KIF21A: variants seen among roughly 807,000 people sequenced by gnomAD.
KIF21A encodes the protein kinesin family member 21A, also known as kinesin-like protein KIF21A.
Under a neutral mutation model 202.9 loss-of-function variants are expected in KIF21A, and 114 were observed. The ratio of observed to expected loss-of-function variants is 0.56; its 90% CI spans 0.48 to 0.66. The LOEUF (loss-of-function observed/expected upper bound fraction) is 0.66. KIF21A is among the 30% of genes least tolerant of loss of function. KIF21A has a pLI of 0.00. For synonymous variants in KIF21A, 667 were observed against 670.8 expected (o/e 0.99, Z 0.09); for missense variants, 1,677 against 1,994.9 (o/e 0.84, Z 3.04).
intron 1 of KIF21A, among the ~76,000 whole-genome samples, chr12:39,395,928 C>G (rs939137362): frequency 6.6e-6 from 1 of 151,566 alleles, no homozygotes; most frequent in African/African-American, 2.4e-5. Context: ...CCTTCCCTCT[C>G]TAAACACCCC....
chr12:39,325,630 C>T (rs943576301), intron 26 of KIF21A, among the ~76,000 whole-genome samples: 3 of 151,494 alleles, frequency 2.0e-5, no homozygotes, highest in African/African-American at 4.9e-5. Flanking sequence ...CATGAGCCAC[C>T]GTATCTGGCC....
At chr12:39,312,482 GATA>G (rs914761937) in intron 31 of KIF21A, 1 of 151,850 alleles carries the variant, frequency 6.6e-6, no homozygotes, top group African/African-American at 2.4e-5. Flanking sequence ...GACTATAGTT[GATA>G]ATAATTGTAC....
intron 1 of KIF21A, among the ~76,000 whole-genome samples, chr12:39,402,668 G>C (rs994859257): frequency 6.6e-6 from 1 of 152,118 alleles, no homozygotes; most frequent in African/African-American, 2.4e-5. Flanking sequence ...GCAGCCTGTA[G>C]GCTGCATGCG....
intron 1 of KIF21A, among the ~76,000 whole-genome samples, chr12:39,416,715 G>GTATATATGTACATATATATGTGTGTA (rs1566267686): frequency 1.8e-3 from 135 of 74,244 alleles, no homozygotes; most frequent in Admixed American, 3.4e-3. Flanking sequence ...ATATATGTGT[G>GTATATATGTACATATATATGTGTGTA]TATATATGTA....
intron 6 of KIF21A, among the ~76,000 whole-genome samples, chr12:39,363,948 G>T (rs1949427207): frequency 6.6e-6 from 1 of 152,226 alleles, no homozygotes; most frequent in Non-Finnish European, 1.5e-5. Context: ...AACCTGGGAG[G>T]TGGAGGTTGC....
rs554058980 is a variant in KIF21A, at chr12:39,294,864, G to C, written c.4932-347C>G. Among the ~76,000 whole-genome samples the C allele has an allele frequency of 1.5e-4, 23 of 152,264 alleles. 1 individual carries two copies. The highest frequency in any genetic ancestry group is 5.3e-4 in the African/African-American group (22 of 41,550). Reference sequence around the variant, plus strand: ...CATGTAAGTGACACAGCTGAGATGTGAATCCAGGCAGTCTGGCTCCGAGCC... The same window carrying C: ...CATGTAAGTGACACAGCTGAGATGTCAATCCAGGCAGTCTGGCTCCGAGCC... On this transcript the variant is annotated intron_variant, in intron 37 of 37. Coordinates refer to ENST00000361418, the MANE Select transcript of KIF21A (RefSeq NM_001173464.2).
intron 34 of KIF21A, among the ~76,000 whole-genome samples, chr12:39,307,201 T>C (rs544893150): frequency 6.6e-6 from 1 of 152,182 alleles, no homozygotes; most frequent in Non-Finnish European, 1.5e-5. Flanking sequence ...ATATAAGATG[T>C]TTAAACGATG....
At chr12:39,412,088 G>A (rs1014453378) in intron 1 of KIF21A, among the ~76,000 whole-genome samples, 26 of 151,926 alleles carry the variant, frequency 1.7e-4, no homozygotes, top group African/African-American at 6.3e-4. Flanking sequence ...TGATCCACCC[G>A]CCTCAGCCTC....
intron 1 of KIF21A, among the ~76,000 whole-genome samples, chr12:39,400,073 CA>C (rs1952050090): frequency 6.6e-6 from 1 of 152,174 alleles, no homozygotes; most frequent in East Asian, 1.9e-4. Context: ...AATACAGAAA[CA>C]AAGCCAAGAG....
rs1191946302 is a variant in KIF21A at position 39,305,281 on chromosome 12, G to A, written c.4443-343C>T. On this transcript the variant is annotated intron_variant, in intron 34 of 37. Coordinates refer to ENST00000361418, the MANE Select transcript of KIF21A (RefSeq NM_001173464.2). ...CTCAGGAGGCTGAGGCAGGAGAATCGCTTGAATCTGGGGGTGGGAGGCTGC... is the reference window on the plus strand; with the variant it reads ...CTCAGGAGGCTGAGGCAGGAGAATCACTTGAATCTGGGGGTGGGAGGCTGC... Among the ~76,000 whole-genome samples the A allele has an allele frequency of 4.0e-5, 6 of 150,428 alleles. No homozygotes were observed. In the South Asian group the frequency reaches 8.4e-4, roughly 21 times the overall value.
chr12:39,328,187 A>G (rs2137986395), intron 24 of KIF21A, among the ~76,000 whole-genome samples: 1 of 152,240 alleles, frequency 6.6e-6, no homozygotes, highest in Admixed American at 6.5e-5. Flanking sequence ...GGTGCACTAG[A>G]AACTTCGTGC....
intron 1 of KIF21A, among the ~76,000 whole-genome samples, chr12:39,431,581 C>G (rs964254760): frequency 6.6e-6 from 1 of 152,130 alleles, no homozygotes; most frequent in Non-Finnish European, 1.5e-5. Flanking sequence ...GACCCAGAAA[C>G]TCAGGAAAGG....
Position 39,315,974 on chromosome 12 carries a change from T to G in KIF21A, c.3909-4A>C. On this transcript the variant is annotated splice_polypyrimidine_tract_variant and splice_region_variant and intron_variant, in intron 29 of 37. Coordinates refer to ENST00000361418, the MANE Select transcript of KIF21A (RefSeq NM_001173464.2). ...AGAGGAGTCACTTTCATCAGACCTATAGTGAAAGAGTTAGAATTATGAGAG... is the reference window on the plus strand; with the variant it reads ...AGAGGAGTCACTTTCATCAGACCTAGAGTGAAAGAGTTAGAATTATGAGAG... 1 of 1,595,530 alleles carries G rather than the reference T, an allele frequency of 6.3e-7. No homozygotes were observed. The highest frequency in any genetic ancestry group is 1.3e-5 in the African/African-American group (1 of 74,494).
At chr12:39,407,711 T>C (rs949643248) in intron 1 of KIF21A, among the ~76,000 whole-genome samples, 1 of 152,166 alleles carries the variant, frequency 6.6e-6, no homozygotes, top group Non-Finnish European at 1.5e-5. Flanking sequence ...AATCCCATTA[T>C]CATTTTAACA....
chr12:39,390,362 T>C (rs951043219), intron 1 of KIF21A, among the ~76,000 whole-genome samples: 37 of 152,120 alleles, frequency 2.4e-4, no homozygotes, highest in Non-Finnish European at 4.6e-4. Flanking sequence ...AAAAAGACAA[T>C]AGCACTCAAT....
intron 17 of KIF21A, among the ~76,000 whole-genome samples, chr12:39,335,181 C>A (rs769577574): frequency 4.0e-5 from 6 of 151,798 alleles, no homozygotes; most frequent in Admixed American, 1.3e-4. Flanking sequence ...GAGGCCGAGG[C>A]GGGGCGGATC....
chr12:39,414,962 A>G (rs1445009167), intron 1 of KIF21A, among the ~76,000 whole-genome samples: 1 of 149,332 alleles, frequency 6.7e-6, no homozygotes, highest in African/African-American at 2.5e-5. Flanking sequence ...GGTTTATCAG[A>G]GAGAAAAAAA....
chr12:39,399,018 G>A (rs574608621), intron 1 of KIF21A, among the ~76,000 whole-genome samples: 35 of 152,240 alleles, frequency 2.3e-4, no homozygotes, highest in Non-Finnish European at 5.0e-4. Context: ...GAGCACAAGA[G>A]TTCAAGACCA....
chr12:39,348,451 GT>G (rs1164194691), intron 11 of KIF21A, among the ~76,000 whole-genome samples: 2 of 152,036 alleles, frequency 1.3e-5, no homozygotes, highest in Non-Finnish European at 2.9e-5. Flanking sequence ...TTAGCTATTA[GT>G]TATAGTTCTG....
Sources: gnomAD v4.1 joint callset for allele counts (sites outside exome capture counted in the v4.1 genomes callset) on GRCh38, gnomAD v4.1.1 for gene constraint, MANE v1.5 for transcripts, NCBI Gene and HGNC (gene_info 2026-07-23, HGNC 2026-07-21) for gene names.